The following TRAF3IP1 variants were observed in gnomAD, a reference collection of about 807,000 sequenced individuals.
TRAF3IP1 encodes intraflagellar transport 54, also known as TRAF3-interacting protein 1.
TRAF3IP1 carries 53 observed loss-of-function variants against 89.9 expected under a neutral mutation model. The observed-to-expected ratio is 0.59, with a 90% CI of 0.47 to 0.74. TRAF3IP1 has a LOEUF of 0.74. Among genes scored for constraint, TRAF3IP1 ranks in the 30% least tolerant of loss-of-function variants. The probability of loss-of-function intolerance (pLI) is 0.00; values close to 1 mark genes in which losing one functional copy is unlikely to be tolerated. For missense variants in TRAF3IP1, 806 were observed against 866.1 expected (o/e 0.93, Z 0.87); for synonymous variants, 311 against 322.1 (o/e 0.97, Z 0.37).
chr2:238,371,805 T>C (rs1294845206), intron 15 of TRAF3IP1, among the ~76,000 whole-genome samples: 1 of 152,256 alleles, frequency 6.6e-6, no homozygotes, highest in African/African-American at 2.4e-5. Flanking sequence ...TCACATTAAA[T>C]AAAATTTATT....
At chr2:238,354,028 C>A (rs1301568310) in intron 14 of TRAF3IP1, among the ~76,000 whole-genome samples, 1 of 152,246 alleles carries the variant, frequency 6.6e-6, no homozygotes, top group Non-Finnish European at 1.5e-5. Flanking sequence ...CCCGCCTTGG[C>A]CTCCCAAAGT....
rs781425306 is a variant in TRAF3IP1 at position 238,354,914 on chromosome 2, G to A, written c.1613-1090G>A. On this transcript the variant is annotated intron_variant, in intron 14 of 16. Coordinates refer to ENST00000373327, the MANE Select transcript of TRAF3IP1 (RefSeq NM_015650.4). ...ATCGGCCCCCTTGGCCTCCCAAAGC[G>A]CTGGTATTACAGGTGTGAGCCACCA... is the stretch of plus-strand genomic sequence containing the variant. Among the ~76,000 whole-genome samples the A allele has an allele frequency of 2.8e-4, 42 of 151,162 alleles. No individual in the cohort carries two copies. The Middle Eastern group carries it at 0.01, about 37-fold the overall frequency.
At chr2:238,332,423 C>T (rs965720941) in intron 5 of TRAF3IP1, among the ~76,000 whole-genome samples, 1 of 152,174 alleles carries the variant, frequency 6.6e-6, no homozygotes, top group Non-Finnish European at 1.5e-5. Flanking sequence ...TCAGCAGAGG[C>T]GGCTAGGAGC....
intron 4 of TRAF3IP1, 36 bp downstream of exon 4, chr2:238,328,865 A>G: frequency 1.9e-6 from 3 of 1,602,096 alleles, no homozygotes; most frequent in African/African-American, 1.3e-5. Context: ...AAAATGAAAT[A>G]GTGAGTCTTT....
chr2:238,369,230 A>AT (rs78046448), intron 15 of TRAF3IP1, among the ~76,000 whole-genome samples: 16,928 of 152,136 alleles, frequency 0.11, 1,551 homozygotes, highest in African/African-American at 0.25. Context: ...GTAAATATAT[A>AT]TTTTTAACAA....
At chr2:238,394,556 C>T (rs1226869611) in intron 15 of TRAF3IP1, among the ~76,000 whole-genome samples, 1 of 152,174 alleles carries the variant, frequency 6.6e-6, no homozygotes, top group Non-Finnish European at 1.5e-5. Context: ...TTGTCAATGG[C>T]ATTGTATTTT....
At chr2:238,382,206 G>A (rs548906632) in intron 15 of TRAF3IP1, among the ~76,000 whole-genome samples, 15 of 152,118 alleles carry the variant, frequency 9.9e-5, no homozygotes, top group Non-Finnish European at 2.1e-4. Context: ...GAAAACAGGC[G>A]AAACAGATGC....
At chr2:238,391,309 T>G (rs1700985686) in intron 15 of TRAF3IP1, among the ~76,000 whole-genome samples, 1 of 152,208 alleles carries the variant, frequency 6.6e-6, no homozygotes. Context: ...AATTCCTGTG[T>G]GGGGGTAATA....
At chr2:238,325,149 C>T (rs936698398) in intron 1 of TRAF3IP1, among the ~76,000 whole-genome samples, 157 bp from the exon 2 acceptor site, 21 of 152,352 alleles carry the variant, frequency 1.4e-4, no homozygotes, top group African/African-American at 4.1e-4. Context: ...CTGCCCTGCA[C>T]AGCACGTGTA....
At chr2:238,331,823 C>T (rs1178501122) in intron 5 of TRAF3IP1, among the ~76,000 whole-genome samples, 2 of 152,218 alleles carry the variant, frequency 1.3e-5, no homozygotes, top group African/African-American at 4.8e-5. Context: ...CTCACATCTA[C>T]GCTGGGGAGG....
chr2:238,385,164 T>C (rs574564607), intron 15 of TRAF3IP1, among the ~76,000 whole-genome samples: 1 of 152,046 alleles, frequency 6.6e-6, no homozygotes, highest in South Asian at 2.1e-4. Flanking sequence ...TACAGGTGCC[T>C]GCCACCACGC....
chr2:238,397,375 A>T, intron 15 of TRAF3IP1, 84 bp from the exon 16 acceptor site: 1 of 1,234,460 alleles, frequency 8.1e-7, no homozygotes, highest in Non-Finnish European at 1.2e-6. Context: ...TCCCAGCCCC[A>T]TGGCCGTGTG....
At chr2:238,374,305 A>G (rs1700226251) in intron 15 of TRAF3IP1, among the ~76,000 whole-genome samples, 1 of 152,208 alleles carries the variant, frequency 6.6e-6, no homozygotes, top group Non-Finnish European at 1.5e-5. Context: ...GATACGTTCC[A>G]TCAATACCTA....
chr2:238,370,149 T>C (rs1362014232), intron 15 of TRAF3IP1, among the ~76,000 whole-genome samples: 1 of 151,936 alleles, frequency 6.6e-6, no homozygotes, highest in Non-Finnish European at 1.5e-5. Context: ...AGGGGGAAAA[T>C]GTATGTGTCT....
chr2:238,348,617 A>G (rs1370162133), intron 10 of TRAF3IP1, 147 bp from the exon 11 acceptor site: 3 of 652,162 alleles, frequency 4.6e-6, no homozygotes, highest in Non-Finnish European at 7.7e-6. Context: ...CATCAACATG[A>G]TTGATGGAAA....
intron 15 of TRAF3IP1, among the ~76,000 whole-genome samples, chr2:238,357,803 A>G (rs1305057546): frequency 2.0e-5 from 3 of 152,196 alleles, no homozygotes; most frequent in Non-Finnish European, 4.4e-5. Context: ...TGAAGCCTCC[A>G]TTGGTTTCAA....
At chr2:238,368,976 G>A (rs1196423959) in intron 15 of TRAF3IP1, among the ~76,000 whole-genome samples, 5 of 152,092 alleles carry the variant, frequency 3.3e-5, no homozygotes, top group African/African-American at 9.7e-5. Context: ...CCTGGCCATT[G>A]ATAAATACTT....
At chr2:238,347,957 T>C (rs1446384006) in intron 10 of TRAF3IP1, among the ~76,000 whole-genome samples, 1 of 152,228 alleles carries the variant, frequency 6.6e-6, no homozygotes, top group Admixed American at 6.5e-5. Context: ...AAATTTAATT[T>C]ATATGTTTTA....
chr2:238,386,609 G>A (rs1199485992), intron 15 of TRAF3IP1, among the ~76,000 whole-genome samples: 6 of 152,136 alleles, frequency 3.9e-5, no homozygotes, highest in Non-Finnish European at 8.8e-5. Flanking sequence ...CACTGAGCCC[G>A]GCCAAAATTT....
Sources: gnomAD v4.1 joint callset for allele counts (sites outside exome capture counted in the v4.1 genomes callset) on GRCh38, gnomAD v4.1.1 for gene constraint, MANE v1.5 for transcripts, NCBI Gene and HGNC (gene_info 2026-07-23, HGNC 2026-07-21) for gene names.